The following ACOT7 variants were observed in gnomAD, a reference collection of about 807,000 sequenced individuals.
ACOT7 encodes the protein acyl-CoA thioesterase 7, also known as cytosolic acyl coenzyme A thioester hydrolase.
In ACOT7, 12 loss-of-function variants were observed where a neutral mutation model predicts 40.2. The ratio of observed to expected loss-of-function variants is 0.30; its 90% CI spans 0.19 to 0.48. The LOEUF is 0.48. Ranked by LOEUF, ACOT7 falls within the 20% of genes least tolerant of loss-of-function variation. The pLI, the probability that ACOT7 is intolerant of heterozygous loss-of-function variation, is 0.99. For synonymous variants in ACOT7, 228 were observed against 219.5 expected (o/e 1.04, Z -0.34); for missense variants, 395 against 530.8 (o/e 0.74, Z 2.51).
intron 8 of ACOT7, among the ~76,000 whole-genome samples, chr1:6,270,546 C>G (rs1248833643): frequency 6.6e-6 from 1 of 152,222 alleles, no homozygotes; most frequent in African/African-American, 2.4e-5. Context: ...CCCCATGTAT[C>G]CCGGGCACCT....
chr1:6,323,748 A>ATATG (rs1468484420), intron 5 of ACOT7, among the ~76,000 whole-genome samples: 6 of 101,240 alleles, frequency 5.9e-5, no homozygotes, highest in Non-Finnish European at 9.0e-5. Flanking sequence ...ATATATATAT[A>ATATG]TATATATATA....
At position 6,282,192 on chromosome 1, in the gene ACOT7, C is replaced by G. The variant is rs530675027; in HGVS notation, c.830-906G>C. Among the ~76,000 whole-genome samples the G allele has an allele frequency of 6.6e-6, 1 of 152,292 alleles. No homozygotes were observed. Among genetic ancestry groups the G allele is most frequent in the African/African-American group, 2.4e-5 (1 of 41,568 alleles). On this transcript the variant is annotated intron_variant, in intron 7 of 8. Transcript: ENST00000361521. The surrounding 1 kb of genome is among the most constrained non-coding windows in gnomAD (Gnocchi z 4.5). ...CCACCCTCCCCGGCCTGGGCTCCAT[C>G]CTCCTACCTGGCCTCAACATAATCC... is the stretch of plus-strand genomic sequence containing the variant.
intron 6 of ACOT7, among the ~76,000 whole-genome samples, chr1:6,308,062 A>G (rs1014374337): frequency 2.6e-5 from 4 of 151,388 alleles, no homozygotes; most frequent in Non-Finnish European, 4.4e-5. Flanking sequence ...GAACAGCCAC[A>G]GGCAGAGGGA....
At chr1:6,345,401 G>C (rs1641391943) in intron 2 of ACOT7, among the ~76,000 whole-genome samples, 1 of 152,230 alleles carries the variant, frequency 6.6e-6, no homozygotes, top group South Asian at 2.1e-4. Context: ...TCAAATCCTA[G>C]CTCTACTGCT....
At chr1:6,281,745 C>T (rs1167974674) in intron 7 of ACOT7, among the ~76,000 whole-genome samples, 1 of 152,214 alleles carries the variant, frequency 6.6e-6, no homozygotes, top group Admixed American at 6.5e-5. Flanking sequence ...GCCACAGCTG[C>T]CCCACTACAC....
At chr1:6,318,380 G>T in intron 6 of ACOT7, 112 bp downstream of exon 6, 2 of 1,203,660 alleles carry the variant, frequency 1.7e-6, no homozygotes, top group Non-Finnish European at 2.4e-6. Context: ...TTGGAAGTTT[G>T]TACTTCACCA....
intron 1 of ACOT7, among the ~76,000 whole-genome samples, chr1:6,353,489 C>T (rs1294883188): frequency 2.6e-5 from 4 of 152,080 alleles, no homozygotes. Flanking sequence ...CAAAAATTAG[C>T]GGGGCGTGGT....
chr1:6,324,531 C>A (rs186088093), intron 5 of ACOT7, among the ~76,000 whole-genome samples: 1 of 152,094 alleles, frequency 6.6e-6, no homozygotes, highest in Non-Finnish European at 1.5e-5. Flanking sequence ...TTTTAGTGTC[C>A]CTGAGGATCA....
At chr1:6,290,177 G>A (rs545695378) in intron 7 of ACOT7, among the ~76,000 whole-genome samples, 29 of 152,318 alleles carry the variant, frequency 1.9e-4, no homozygotes, top group African/African-American at 6.7e-4. Flanking sequence ...TGGGAAAGGC[G>A]AGACATGGAT....
intron 7 of ACOT7, among the ~76,000 whole-genome samples, chr1:6,285,841 C>T (rs1179166398): frequency 6.6e-6 from 1 of 152,218 alleles, no homozygotes. Context: ...TTCAGCCCTC[C>T]CGCCAGGCAT....
chr1:6,297,368 G>C (rs1401709915), intron 6 of ACOT7, among the ~76,000 whole-genome samples: 1 of 152,150 alleles, frequency 6.6e-6, no homozygotes, highest in Non-Finnish European at 1.5e-5. Context: ...AATAAACCCA[G>C]AGAGAGGCAG....
At chr1:6,392,065 C>T (rs1329663747) in intron 1 of ACOT7, among the ~76,000 whole-genome samples, 1 of 152,008 alleles carries the variant, frequency 6.6e-6, no homozygotes, top group African/African-American at 2.4e-5. Context: ...TCAAAACCGA[C>T]CTTGAGGTAA....
At chr1:6,382,305 G>A (rs1213667162) in intron 1 of ACOT7, among the ~76,000 whole-genome samples, 1 of 151,744 alleles carries the variant, frequency 6.6e-6, no homozygotes, top group African/African-American at 2.4e-5. Flanking sequence ...GCGGGGGGCT[G>A]AGGCAGAAGA....
At chr1:6,283,432 GATT>G (rs753594144) in intron 7 of ACOT7, among the ~76,000 whole-genome samples, 16 of 152,228 alleles carry the variant, frequency 1.1e-4, no homozygotes, top group Non-Finnish European at 1.9e-4. Context: ...AAATTGCTGG[GATT>G]ATAATTAGGT....
At chr1:6,297,679 G>A (rs543923457) in intron 6 of ACOT7, among the ~76,000 whole-genome samples, 1 of 152,330 alleles carries the variant, frequency 6.6e-6, no homozygotes, top group Non-Finnish European at 1.5e-5. Context: ...TTGGGTATTC[G>A]ACGATACTAA....
rs991341421 is a variant in ACOT7, at chr1:6,282,197, T to C, written c.830-911A>G. ...CTCCCCGGCCTGGGCTCCATCCTCC[T>C]ACCTGGCCTCAACATAATCCCTTAA... On this transcript the variant is annotated intron_variant, in intron 7 of 8. Coordinates refer to ENST00000361521, the MANE Select transcript of ACOT7 (RefSeq NM_007274.4). This position sits in a 1 kb window ranked among gnomAD's most constrained non-coding sequence, Gnocchi z 4.5. Among the ~76,000 whole-genome samples the C allele has an allele frequency of 7.9e-5, 12 of 152,094 alleles. No homozygotes were observed. Among genetic ancestry groups the C allele is most frequent in the Non-Finnish European group, 1.3e-4 (9 of 67,994 alleles).
Position 6,352,800 on chromosome 1 carries a change from G to A in ACOT7, c.144-2934C>T, listed in dbSNP as rs1641631531. 1.3e-5 allele frequency among the ~76,000 whole-genome samples: 2 copies of A among 152,068 alleles called. No homozygotes were observed. Among genetic ancestry groups the A allele is most frequent in the South Asian group, 4.2e-4 (2 of 4,808 alleles). On this transcript the variant is annotated intron_variant, in intron 1 of 8. Coordinates refer to ENST00000361521, the MANE Select transcript of ACOT7 (RefSeq NM_007274.4). This position sits in a 1 kb window ranked among gnomAD's most constrained non-coding sequence, Gnocchi z 4.5. The stretch of plus-strand genomic sequence containing the variant: ...GGGTTTCACCGTATTAGCCAGGATG[G>A]TCTTGATCTCCTGACCTCGTTCGTG...
At chr1:6,266,055 G>T (rs1198256916) in intron 8 of ACOT7, among the ~76,000 whole-genome samples, 2 of 152,206 alleles carry the variant, frequency 1.3e-5, no homozygotes, top group East Asian at 3.8e-4. Flanking sequence ...AAAGAAATAG[G>T]TGGCGCTCCT....
intron 8 of ACOT7, among the ~76,000 whole-genome samples, chr1:6,277,193 G>A (rs939917723): frequency 2.6e-5 from 4 of 152,222 alleles, no homozygotes; most frequent in East Asian, 1.9e-4. Flanking sequence ...CCCATGGATC[G>A]CTGGCCCCTC....
Sources: gnomAD v4.1 joint callset for allele counts (sites outside exome capture counted in the v4.1 genomes callset) on GRCh38, gnomAD v4.1.1 for gene constraint, Gnocchi (gnomAD v3.1) non-coding constraint, MANE v1.5 for transcripts, NCBI Gene and HGNC (gene_info 2026-07-23, HGNC 2026-07-21) for gene names.